Variants in ROCK1 observed in about 807,000 individuals in gnomAD.
ROCK1 encodes the protein Rho associated coiled-coil containing protein kinase 1.
Under a neutral mutation model 196.8 loss-of-function variants are expected in ROCK1, and 36 were observed. That is an observed-to-expected ratio of 0.18 (90% CI 0.14 to 0.24). The LOEUF is 0.24. ROCK1 is among the 10% of genes least tolerant of loss of function. ROCK1 has a pLI of 1.00. For missense variants in ROCK1, 920 were observed against 1,562.0 expected, an observed-to-expected ratio of 0.59 and a Z score of 6.93; for synonymous variants, 443 against 515.9, an observed-to-expected ratio of 0.86 and a Z score of 1.91.
chr18:21,010,796 T>C (rs1471891727), intron 13 of ROCK1, among the ~76,000 whole-genome samples: 2 of 152,208 alleles, frequency 1.3e-5, no homozygotes, highest in Admixed American at 1.3e-4. Flanking sequence ...CCAACAATAA[T>C]TATGGATTGG....
chr18:21,092,591 A>AAAAG (rs1454240644), intron 1 of ROCK1, among the ~76,000 whole-genome samples: 1 of 151,596 alleles, frequency 6.6e-6, no homozygotes, highest in African/African-American at 2.4e-5. Context: ...AAAAAAAAAA[A>AAAAG]AAAAAAAAAA....
intron 11 of ROCK1, among the ~76,000 whole-genome samples, chr18:21,023,152 T>C (rs1287650781): frequency 3.3e-5 from 5 of 152,024 alleles, no homozygotes; most frequent in Non-Finnish European, 5.9e-5. Context: ...GATGAAAAGG[T>C]TCTAGAGATG....
At position 21,042,542 on chromosome 18, in the gene ROCK1, G is replaced by A. The variant is rs548441007; in HGVS notation, c.820+23C>T. The A allele has an allele frequency of 4.8e-5, 77 of 1,610,748 alleles. 1 individual carries two copies. The South Asian group carries it at 7.8e-4, about 16-fold the overall frequency. On this transcript the variant is annotated intron_variant, in intron 7 of 32. Transcript: ENST00000399799. The stretch of plus-strand genomic sequence containing the variant: ...TTGAGATGAACAACTGTAATAGAGA[G>A]ACATAAAATCTTCCTTACTCACCTA...
At chr18:20,980,559 C>T (rs1360968297) in intron 21 of ROCK1, among the ~76,000 whole-genome samples, 1 of 152,130 alleles carries the variant, frequency 6.6e-6, no homozygotes, top group Non-Finnish European at 1.5e-5. Context: ...GGTGGTCACA[C>T]AGATGTACAT....
intron 10 of ROCK1, among the ~76,000 whole-genome samples, chr18:21,024,229 T>C (rs1383141595): frequency 6.6e-6 from 1 of 152,210 alleles, no homozygotes; most frequent in Non-Finnish European, 1.5e-5. Flanking sequence ...AACCAAAGTT[T>C]AGGTGATGCT....
At chr18:21,086,757 C>A in intron 1 of ROCK1, among the ~76,000 whole-genome samples, 1 of 145,302 alleles carries the variant, frequency 6.9e-6, no homozygotes. Flanking sequence ...ATTCTACATC[C>A]ACTGAAAAAA....
At chr18:21,058,881 GTT>G (rs933004785) in intron 2 of ROCK1, among the ~76,000 whole-genome samples, 1 of 152,066 alleles carries the variant, frequency 6.6e-6, no homozygotes, top group African/African-American at 2.4e-5. Context: ...AACCAGCACT[GTT>G]TTAATTAAGA....
At chr18:21,107,820 A>T (rs1238227975) in intron 1 of ROCK1, among the ~76,000 whole-genome samples, 1 of 152,178 alleles carries the variant, frequency 6.6e-6, no homozygotes, top group Non-Finnish European at 1.5e-5. Flanking sequence ...TCGGGAGGCC[A>T]AGGCAGGCGG....
chr18:21,022,189 A>T (rs1052980789), intron 11 of ROCK1, among the ~76,000 whole-genome samples: 2 of 152,142 alleles, frequency 1.3e-5, no homozygotes, highest in Non-Finnish European at 2.9e-5. Context: ...GTAGACAAAA[A>T]GTTCAAAGAA....
intron 9 of ROCK1, among the ~76,000 whole-genome samples, chr18:21,030,802 TAA>T (rs34526425): frequency 2.0e-5 from 3 of 152,034 alleles, no homozygotes; most frequent in Non-Finnish European, 4.4e-5. Context: ...TCATGTTCCA[TAA>T]AAAAGAGTCC....
intron 22 of ROCK1, among the ~76,000 whole-genome samples, chr18:20,977,872 A>G (rs2035494837): frequency 6.6e-6 from 1 of 152,214 alleles, no homozygotes; most frequent in South Asian, 2.1e-4. Context: ...TAGATTCTAC[A>G]ATATGACTAT....
In ROCK1 at chr18:20,960,428, T is replaced by C. The variant is rs115638549; in HGVS notation, c.3353-222A>G. Among the ~76,000 whole-genome samples the C allele has an allele frequency of 7.5e-3, 1,139 of 152,226 alleles. 17 individuals carry two copies. The highest frequency in any genetic ancestry group is 0.026 in the African/African-American group (1,073 of 41,544). On this transcript the variant is annotated intron_variant, in intron 27 of 32. Transcript: ENST00000399799. ...GCCACTTTTCCCATACAATTTAACA[T>C]TTAGTAATCAATTACAAAAGTATGA...
At position 20,991,294 on chromosome 18, in the gene ROCK1, G is replaced by A. The variant is rs776222651; in HGVS notation, c.2025C>T (p.Tyr675=). Residue 675 remains tyrosine (Y), a synonymous_variant, in exon 18 of 33, where the codon TAC becomes TAT. Transcript: ENST00000399799. ...EKNNLEIDLN[Y]KLKSLQQRLE... ...ACCGTTGTTGTAATGATTTAAGTTT[G>A]TAGTTTAAATCTATCTCTAAATTAT... The A allele has an allele frequency of 1.9e-6, 3 of 1,603,632 alleles. No individual in the cohort carries two copies. In the South Asian group the frequency reaches 3.3e-5, roughly 18 times the overall value.
intron 22 of ROCK1, among the ~76,000 whole-genome samples, chr18:20,978,205 A>C (rs1279613897): frequency 8.8e-6 from 1 of 113,554 alleles, no homozygotes; most frequent in East Asian, 2.1e-4. Context: ...GTATTCCAAC[A>C]AAAAAAAAAA....
chr18:20,985,496 C>A (rs1193279392), intron 19 of ROCK1, among the ~76,000 whole-genome samples: 1 of 152,164 alleles, frequency 6.6e-6, no homozygotes, highest in Non-Finnish European at 1.5e-5. Flanking sequence ...CTGTAACTCC[C>A]AAATGTGATT....
At chr18:21,038,696 T>C (rs1200373859) in intron 9 of ROCK1, among the ~76,000 whole-genome samples, 2 of 152,216 alleles carry the variant, frequency 1.3e-5, no homozygotes, top group Non-Finnish European at 1.5e-5. Context: ...TTCACTGCTA[T>C]TGCTAAGGCA....
chr18:20,967,139 G>A, intron 26 of ROCK1, 63 bp from the exon 27 acceptor site: 1 of 1,112,106 alleles, frequency 9.0e-7, no homozygotes, highest in Non-Finnish European at 1.3e-6. Flanking sequence ...ATTACTAATT[G>A]AAATATGATA....
At chr18:21,053,158 G>C (rs1388834743) in intron 2 of ROCK1, among the ~76,000 whole-genome samples, 2 of 152,168 alleles carry the variant, frequency 1.3e-5, no homozygotes, top group African/African-American at 4.8e-5. Context: ...AACAGTCTTA[G>C]GCAAGTTTTT....
chr18:20,972,902 G>A (rs1184332065), intron 22 of ROCK1, among the ~76,000 whole-genome samples: 3 of 152,220 alleles, frequency 2.0e-5, no homozygotes, highest in Non-Finnish European at 2.9e-5. Flanking sequence ...GTTAAAAGAC[G>A]CAGTTTCGCT....
Sources: allele counts gnomAD v4.1 joint callset (sites outside exome capture counted in the v4.1 genomes callset), GRCh38; gene constraint gnomAD v4.1.1; transcripts MANE v1.5; gene names NCBI Gene and HGNC (gene_info 2026-07-23, HGNC 2026-07-21).